Variants in SLC25A18 observed in about 807,000 individuals in gnomAD.
The protein encoded by SLC25A18 is mitochondrial glutamate carrier 2.
SLC25A18 carries 24 observed loss-of-function variants against 31.1 expected under a neutral mutation model. That is an observed-to-expected ratio of 0.77 (90% CI 0.56 to 1.08). The LOEUF (loss-of-function observed/expected upper bound fraction) is 1.08. Among genes scored for constraint, SLC25A18 ranks in the 50% least tolerant of loss-of-function variants. The pLI is 0.00. For missense variants in SLC25A18, 371 were observed against 418.5 expected, an observed-to-expected ratio of 0.89 and a Z score of 0.99; for synonymous variants, 173 against 161.9, an observed-to-expected ratio of 1.07 and a Z score of -0.52.
At chr22:17,570,036 T>G in intron 2 of SLC25A18, 50 bp downstream of exon 2, 1 of 972,902 alleles carries the variant, frequency 1.0e-6, no homozygotes, top group Non-Finnish European at 1.2e-6. Flanking sequence ...AGGAAAAGAC[T>G]CTTCTAGCAA....
At chr22:17,580,955 C>A in intron 3 of SLC25A18, 82 bp from the exon 4 acceptor site, 1 of 1,481,278 alleles carries the variant, frequency 6.8e-7, no homozygotes, top group South Asian at 1.4e-5. Context: ...TGTCTGTGCC[C>A]CTGCCCATTC....
intron 3 of SLC25A18, chr22:17,580,172 G>C (rs1189406341): frequency 6.6e-6 from 3 of 454,052 alleles, no homozygotes; most frequent in Non-Finnish European, 1.2e-5. Flanking sequence ...GTTCAACATA[G>C]TTTAATTGTT....
intron 1 of SLC25A18, among the ~76,000 whole-genome samples, chr22:17,567,457 C>G (rs174369): frequency 0.49 from 74,218 of 150,862 alleles, 18,813 homozygotes; most frequent in African/African-American, 0.61. Flanking sequence ...AAAGTAGCTT[C>G]CCTAAAGTGT....
chr22:17,585,652 T>TTTA (rs1555952016), intron 7 of SLC25A18, among the ~76,000 whole-genome samples: 6 of 121,164 alleles, frequency 5.0e-5, no homozygotes, highest in African/African-American at 2.1e-4. Flanking sequence ...TTATTATTAT[T>TTTA]TTTTTTTTTT....
intron 5 of SLC25A18, chr22:17,582,104 G>T (rs1383055547): frequency 6.5e-6 from 1 of 153,962 alleles, no homozygotes; most frequent in African/African-American, 2.4e-5. Context: ...CGGGCGCGGT[G>T]GCTCACGCCT....
chr22:17,582,706 G>A, intron 6 of SLC25A18, 53 bp downstream of exon 6: 1 of 1,476,394 alleles, frequency 6.8e-7, no homozygotes, highest in East Asian at 2.4e-5. Flanking sequence ...TTTTGGGAGA[G>A]ATGGCAGGAA....
chr22:17,572,201 C>T (rs1290162488), intron 2 of SLC25A18, among the ~76,000 whole-genome samples: 1 of 150,100 alleles, frequency 6.7e-6, no homozygotes, highest in Admixed American at 6.7e-5. Context: ...AAAGGAGAAT[C>T]GGCTGGGCAC....
rs767843029 is a variant in SLC25A18 at position 17,589,606 on chromosome 22, C to A, written c.747C>A (p.Ile249=). ...VTPLDVLKTR[I]QTLKKGLGED... is the part of the protein sequence containing the mutation. ...TTGATTTAGTTCTGAAAACTCGAAT[C>A]CAAACCCTCAAGAAAGGCCTGGGCG... is the stretch of plus-strand genomic sequence containing the variant. The change falls in exon 10 of 11, where the codon ATC becomes ATA. Residue 249 remains isoleucine, a synonymous_variant. Coordinates refer to ENST00000327451, the MANE Select transcript of SLC25A18 (RefSeq NM_031481.3). 6.2e-7 allele frequency: 1 copy of A among 1,614,094 alleles called. No individual in the cohort carries two copies. Among genetic ancestry groups the A allele is most frequent in the South Asian group, 1.1e-5 (1 of 91,078 alleles).
chr22:17,581,213 G>A, intron 4 of SLC25A18, 54 bp downstream of exon 4: 1 of 1,569,518 alleles, frequency 6.4e-7, no homozygotes, highest in Non-Finnish European at 8.7e-7. Context: ...GAGGGATGGG[G>A]CCCCCTTCCC....
intron 1 of SLC25A18, among the ~76,000 whole-genome samples, chr22:17,565,357 A>T (rs148908971): frequency 0.015 from 2,248 of 152,044 alleles, 70 homozygotes; most frequent in African/African-American, 0.052. Context: ...CTGGGATTAC[A>T]GGCGTGAGCC....
intron 2 of SLC25A18, chr22:17,570,327 A>G (rs1335439683): frequency 6.6e-6 from 1 of 152,318 alleles, no homozygotes; most frequent in African/African-American, 2.4e-5. Context: ...GAGGCCCCCA[A>G]CCCAGCTCCT....
At chr22:17,587,732 G>A in intron 8 of SLC25A18, 193 bp from the exon 9 acceptor site, 1 of 653,678 alleles carries the variant, frequency 1.5e-6, no homozygotes, top group Non-Finnish European at 2.6e-6. Flanking sequence ...AGCTGGGACG[G>A]CGGAACAGAT....
chr22:17,569,069 C>T (rs371949847), intron 1 of SLC25A18, among the ~76,000 whole-genome samples: 2 of 149,074 alleles, frequency 1.3e-5, no homozygotes, highest in African/African-American at 4.9e-5. Flanking sequence ...AGGGCAGTGG[C>T]GCGATCCCAG....
At chr22:17,583,602 TC>T in intron 7 of SLC25A18, 68 bp downstream of exon 7, 1 of 1,558,554 alleles carries the variant, frequency 6.4e-7, no homozygotes. Context: ...ACATCCCACA[TC>T]CCAACCTCAT....
chr22:17,584,168 C>A (rs940725827), intron 7 of SLC25A18: 2 of 659,254 alleles, frequency 3.0e-6, no homozygotes, highest in Non-Finnish European at 3.8e-6. Context: ...CCGAGGCGGG[C>A]GGATTATGAG....
rs1490484924 is a variant in SLC25A18, at chr22:17,582,609, G to C, written c.246G>C (p.Lys82Asn). The C allele has an allele frequency of 1.9e-6, 3 of 1,605,576 alleles. No homozygotes were observed. The East Asian group carries it at 6.7e-5, about 36-fold the overall frequency. ...LTLVTPEKAI[K>N]LAANDFFRRL... ...TGGTCACTCCAGAGAAGGCCATCAA[G>C]CTGGCGGCCAACGACTTTTTCCGGC... Residue 82 changes from lysine to asparagine, a missense_variant, in exon 6 of 11, where the codon AAG becomes AAC. Physicochemically the swap from Lys to Asn is moderately conservative, Grantham distance 94. Coordinates refer to ENST00000327451, the MANE Select transcript of SLC25A18 (RefSeq NM_031481.3).
At chr22:17,582,438 G>C in intron 5 of SLC25A18, 125 bp from the exon 6 acceptor site, 3 of 626,344 alleles carry the variant, frequency 4.8e-6, no homozygotes, top group Non-Finnish European at 8.1e-6. Flanking sequence ...TTAGGCTCAG[G>C]AGCCCCACCT....
At position 17,563,626 on chromosome 22, in the gene SLC25A18, T is replaced by A; in HGVS notation, c.-351T>A. 12 of 977,390 alleles carry A rather than the reference T, an allele frequency of 1.2e-5. No individual in the cohort carries two copies. The highest frequency in any genetic ancestry group is 1.5e-5 in the Non-Finnish European group (12 of 822,658). 60.5% of individuals were successfully genotyped at this position (977,390 alleles called of 1,614,324 possible). A position where few individuals can be genotyped will look rare whatever the true frequency, so the allele number is the denominator to read the frequency against. Reference sequence around the variant, plus strand: ...GGCTTTGCTTTGAGAAGGAACTGAGTAGGCAGTGAGAAGAGTCGAGTGAAG... The same window carrying A: ...GGCTTTGCTTTGAGAAGGAACTGAGAAGGCAGTGAGAAGAGTCGAGTGAAG... On this transcript the variant is annotated 5_prime_UTR_variant, in exon 1 of 11. Coordinates refer to ENST00000327451, the MANE Select transcript of SLC25A18 (RefSeq NM_031481.3).
intron 2 of SLC25A18, among the ~76,000 whole-genome samples, chr22:17,572,400 G>T (rs1569178805): frequency 6.9e-6 from 1 of 145,364 alleles, no homozygotes; most frequent in East Asian, 2.1e-4. Context: ...CAGGAGAATT[G>T]CTTGAACTCT....
Sources: gnomAD v4.1 joint callset for allele counts (sites outside exome capture counted in the v4.1 genomes callset) on GRCh38, gnomAD v4.1.1 for gene constraint, MANE v1.5 for transcripts, NCBI Gene and HGNC (gene_info 2026-07-23, HGNC 2026-07-21) for gene names.